Variants in KCNMB2 observed in about 807,000 individuals in gnomAD.
KCNMB2 encodes calcium-activated potassium channel subunit beta-2.
KCNMB2 carries 9 observed loss-of-function variants against 24.5 expected under a neutral mutation model. The ratio of observed to expected loss-of-function variants is 0.37; its 90% CI spans 0.22 to 0.64. KCNMB2 has a LOEUF of 0.64. Among genes scored for constraint, KCNMB2 ranks in the 30% least tolerant of loss-of-function variants. The pLI, the probability that KCNMB2 is intolerant of heterozygous loss-of-function variation, is 0.63. For synonymous variants in KCNMB2, 109 were observed against 104.4 expected (o/e 1.04, Z -0.27); for missense variants, 226 against 284.3 (o/e 0.79, Z 1.47).
chr3:178,800,878 T>C (rs1000369331), intron 1 of KCNMB2, among the ~76,000 whole-genome samples: 4 of 152,106 alleles, frequency 2.6e-5, no homozygotes, highest in African/African-American at 9.7e-5. Context: ...TATTCCAACA[T>C]AGATAGAACT....
intron 2 of KCNMB2, among the ~76,000 whole-genome samples, chr3:178,816,462 C>T (rs891810430): frequency 6.6e-6 from 1 of 151,742 alleles, no homozygotes; most frequent in South Asian, 2.1e-4. Flanking sequence ...TAATATAGTT[C>T]ATCTATTTCA....
intron 1 of KCNMB2, among the ~76,000 whole-genome samples, chr3:178,797,144 G>T (rs1008529250): frequency 1.5e-4 from 23 of 152,048 alleles, no homozygotes; most frequent in African/African-American, 5.6e-4. Flanking sequence ...AGAAGAAACA[G>T]ATAAATTCCT....
Position 178,836,218 on chromosome 3 carries a change from G to C in KCNMB2, c.424-6435G>C, listed in dbSNP as rs554789506. Among the ~76,000 whole-genome samples the C allele has an allele frequency of 2.8e-4, 42 of 152,138 alleles. 1 individual carries two copies. The highest frequency in any genetic ancestry group is 9.9e-4 in the African/African-American group (41 of 41,504). ...TCACTCTTCGCTTCACACAAGCCTA[G>C]TGAGGCATGTCTGAAAAAAAGCCCA... On this transcript the variant is annotated intron_variant, in intron 4 of 4. Transcript: ENST00000452583.
intron 1 of KCNMB2, among the ~76,000 whole-genome samples, chr3:178,601,455 G>A (rs1718081685): frequency 6.6e-6 from 1 of 152,130 alleles, no homozygotes; most frequent in African/African-American, 2.4e-5. Flanking sequence ...CCCGTGAGGG[G>A]TTTTTCAGTT....
intron 1 of KCNMB2, among the ~76,000 whole-genome samples, chr3:178,586,538 C>CTTTTTTTTTCTTTT (rs1717439508): frequency 2.9e-5 from 2 of 68,500 alleles, no homozygotes; most frequent in African/African-American, 1.1e-4. Context: ...TTTTTTCTTT[C>CTTTTTTTTTCTTTT]TTTTTTTTTT....
chr3:178,765,168 C>A (rs1052942063), intron 1 of KCNMB2, among the ~76,000 whole-genome samples: 10 of 152,152 alleles, frequency 6.6e-5, no homozygotes, highest in African/African-American at 2.4e-4. Flanking sequence ...AAAGTAGGCA[C>A]CAAAAAGTAG....
At chr3:178,608,385 TC>T (rs34774364) in intron 1 of KCNMB2, among the ~76,000 whole-genome samples, 2 of 139,192 alleles carry the variant, frequency 1.4e-5, no homozygotes, top group East Asian at 2.2e-4. Flanking sequence ...TTTTAATTTA[TC>T]CTTTTTTTAA....
intron 1 of KCNMB2, among the ~76,000 whole-genome samples, chr3:178,730,619 G>C (rs1029096822): frequency 5.9e-5 from 9 of 152,036 alleles, no homozygotes; most frequent in African/African-American, 2.2e-4. Flanking sequence ...CAATGAAATG[G>C]GAACTCTTTG....
At chr3:178,799,438 A>C (rs1713686480) in intron 1 of KCNMB2, among the ~76,000 whole-genome samples, 1 of 152,158 alleles carries the variant, frequency 6.6e-6, no homozygotes, top group Non-Finnish European at 1.5e-5. Flanking sequence ...CAATAACTAC[A>C]AATAAAAAAA....
At chr3:178,666,465 T>C (rs1720722041) in intron 1 of KCNMB2, among the ~76,000 whole-genome samples, 1 of 152,122 alleles carries the variant, frequency 6.6e-6, no homozygotes, top group South Asian at 2.1e-4. Context: ...TACCAAAAAT[T>C]GTAGCTATTG....
At chr3:178,560,307 T>C (rs777436914) in intron 1 of KCNMB2, among the ~76,000 whole-genome samples, 7 of 152,108 alleles carry the variant, frequency 4.6e-5, no homozygotes, top group African/African-American at 9.7e-5. Flanking sequence ...ACCCAAGTAA[T>C]TGACATCCAA....
intron 1 of KCNMB2, among the ~76,000 whole-genome samples, chr3:178,728,527 T>C (rs1180595728): frequency 2.0e-5 from 3 of 152,092 alleles, no homozygotes; most frequent in Admixed American, 6.6e-5. Flanking sequence ...GTGAGCGCTG[T>C]CTGTCCAAGA....
intron 1 of KCNMB2, among the ~76,000 whole-genome samples, chr3:178,544,625 A>G (rs1014625382): frequency 6.6e-6 from 1 of 152,178 alleles, no homozygotes; most frequent in African/African-American, 2.4e-5. Context: ...TGCCAGCATT[A>G]TACTAAATAG....
At chr3:178,728,519 G>C (rs141585191) in intron 1 of KCNMB2, among the ~76,000 whole-genome samples, 39 of 152,216 alleles carry the variant, frequency 2.6e-4, no homozygotes, top group Non-Finnish European at 5.1e-4. Context: ...TGAATCACGT[G>C]AGCGCTGTCT....
intron 1 of KCNMB2, among the ~76,000 whole-genome samples, chr3:178,734,071 CTG>C (rs200421935): frequency 0.05 from 7,645 of 152,150 alleles, 274 homozygotes; most frequent in Non-Finnish European, 0.079. Context: ...TTGAGTAGCC[CTG>C]TGTTTCAAAT....
chr3:178,718,679 G>A (rs1000635714), intron 1 of KCNMB2, among the ~76,000 whole-genome samples: 1 of 152,144 alleles, frequency 6.6e-6, no homozygotes, highest in Admixed American at 6.6e-5. Flanking sequence ...GTGTTGAGTC[G>A]GGATAGAGCT....
At chr3:178,728,531 T>C (rs1723039305) in intron 1 of KCNMB2, among the ~76,000 whole-genome samples, 1 of 152,064 alleles carries the variant, frequency 6.6e-6, no homozygotes, top group Non-Finnish European at 1.5e-5. Flanking sequence ...GCGCTGTCTG[T>C]CCAAGAAGCA....
intron 1 of KCNMB2, among the ~76,000 whole-genome samples, chr3:178,575,342 C>G (rs1486204087): frequency 6.6e-6 from 1 of 152,066 alleles, no homozygotes; most frequent in South Asian, 2.1e-4. Context: ...GTAAAATATA[C>G]CAAGACTGCT....
chr3:178,548,434 C>T lies in KCNMB2; in HGVS notation c.-68+11723C>T, dbSNP rs530973412. Among the ~76,000 whole-genome samples, 147 of 152,298 alleles carry T rather than the reference C, an allele frequency of 9.7e-4. 1 individual carries two copies. The highest frequency in any genetic ancestry group is 3.4e-3 in the African/African-American group (142 of 41,558). On this transcript the variant is annotated intron_variant, in intron 1 of 4. Coordinates refer to ENST00000452583, the MANE Select transcript of KCNMB2 (RefSeq NM_181361.3). ...TTCTAGGACTGGATGTCAAGACCCT[C>T]CAATTTTTGATGGCCAGGTGAATTT... is the stretch of plus-strand genomic sequence containing the variant.
Sources: allele counts gnomAD v4.1 joint callset (sites outside exome capture counted in the v4.1 genomes callset), GRCh38; gene constraint gnomAD v4.1.1; transcripts MANE v1.5; gene names NCBI Gene and HGNC (gene_info 2026-07-23, HGNC 2026-07-21).